MED13L: variants seen among roughly 807,000 people sequenced by gnomAD.
MED13L encodes the protein mediator complex subunit 13L.
MED13L carries 7 observed loss-of-function variants against 220.9 expected under a neutral mutation model. The ratio of observed to expected loss-of-function variants is 0.03; its 90% CI spans 0.02 to 0.06. The LOEUF is 0.06. MED13L is among the 10% of genes least tolerant of loss of function. MED13L has a pLI of 1.00. For missense variants in MED13L, 1,965 were observed against 2,760.5 expected (o/e 0.71, Z 6.46); for synonymous variants, 1,011 against 1,015.2 (o/e 1.00, Z 0.08).
intron 4 of MED13L, among the ~76,000 whole-genome samples, chr12:116,053,217 G>C (rs1419687262): frequency 6.6e-6 from 1 of 152,036 alleles, no homozygotes; most frequent in African/African-American, 2.4e-5. Flanking sequence ...CAAGTGATTA[G>C]GGAGTTAAAA....
chr12:116,229,768 C>A (rs922558872), intron 2 of MED13L, among the ~76,000 whole-genome samples: 1 of 152,072 alleles, frequency 6.6e-6, no homozygotes, highest in Admixed American at 6.6e-5. Flanking sequence ...TGTTATTTTT[C>A]CTTTCAAGTA....
At chr12:116,083,567 A>T (rs1871383309) in intron 4 of MED13L, among the ~76,000 whole-genome samples, 1 of 152,176 alleles carries the variant, frequency 6.6e-6, no homozygotes, top group South Asian at 2.1e-4. Context: ...GTTATAATAA[A>T]GTCTGAAACT....
rs538334282 is a variant in MED13L, at chr12:116,180,326, C to T, written c.310+57142G>A. Among the ~76,000 whole-genome samples the T allele has an allele frequency of 2.2e-4, 33 of 152,226 alleles. No individual in the cohort carries two copies. In the South Asian group the frequency reaches 3.9e-3, roughly 18 times the overall value. ...TTGAGTGCCAACATGATACCACAAG[C>T]GAAAAATTCCACATTTGACCTCCTA... is the stretch of plus-strand genomic sequence containing the variant. On this transcript the variant is annotated intron_variant, in intron 2 of 30. Transcript: ENST00000281928.
intron 3 of MED13L, among the ~76,000 whole-genome samples, chr12:116,106,443 C>A (rs544840630): frequency 6.6e-6 from 1 of 152,302 alleles, no homozygotes; most frequent in Non-Finnish European, 1.5e-5. Flanking sequence ...TAGAGGAAGA[C>A]AGGCTTCTGC....
At chr12:116,228,466 CACCA>C (rs1241148570) in intron 2 of MED13L, among the ~76,000 whole-genome samples, 15 of 152,234 alleles carry the variant, frequency 9.9e-5, no homozygotes, top group Middle Eastern at 3.4e-3. Context: ...ACAAGGCGAA[CACCA>C]ACCATGCCCA....
intron 4 of MED13L, among the ~76,000 whole-genome samples, chr12:116,083,881 C>T (rs762536843): frequency 6.6e-6 from 1 of 152,156 alleles, no homozygotes; most frequent in Non-Finnish European, 1.5e-5. Context: ...TGCATTCCTC[C>T]TTAGTTAAAG....
At chr12:116,123,055 A>T (rs958915791) in intron 2 of MED13L, among the ~76,000 whole-genome samples, 19 of 152,318 alleles carry the variant, frequency 1.2e-4, no homozygotes, top group African/African-American at 4.3e-4. Context: ...AATATTTTTT[A>T]AAATGATTAC....
rs762926166 is a variant in MED13L at position 115,961,354 on chromosome 12, T to C, written c.6545A>G (p.Asn2182Ser). Residue 2182 changes from asparagine to serine, a missense_variant, in exon 31 of 31, where the codon AAT becomes AGT. Physicochemically the swap from Asn to Ser is conservative, Grantham distance 46. Coordinates refer to ENST00000281928, the MANE Select transcript of MED13L (RefSeq NM_015335.5). ...QYNALSWLTC[N>S]PATQDRTSCL... ...GGAAGTACGGTCCTGGGTGGCCGGA[T>C]TGCACGTGAGCCAGGACAGAGCGTT... 40 of 1,613,988 alleles carry C rather than the reference T, an allele frequency of 2.5e-5. 1 individual carries two copies. The Admixed American group carries it at 4.3e-4, about 17-fold the overall frequency.
intron 2 of MED13L, among the ~76,000 whole-genome samples, chr12:116,215,547 T>G (rs1565932258): frequency 6.6e-6 from 1 of 152,186 alleles, no homozygotes; most frequent in Non-Finnish European, 1.5e-5. Context: ...AAACCTAAAG[T>G]GCTGGGATCG....
chr12:116,098,384 G>C (rs1872791728), intron 3 of MED13L, among the ~76,000 whole-genome samples: 1 of 152,178 alleles, frequency 6.6e-6, no homozygotes, highest in Admixed American at 6.5e-5. Flanking sequence ...TATTTTGTAA[G>C]AAAAGATGTC....
intron 2 of MED13L, among the ~76,000 whole-genome samples, chr12:116,218,158 AT>A (rs1371206931): frequency 6.6e-6 from 1 of 152,030 alleles, no homozygotes; most frequent in Non-Finnish European, 1.5e-5. Context: ...AAAGTATGTA[AT>A]TTTTTTTAAC....
intron 3 of MED13L, among the ~76,000 whole-genome samples, chr12:116,103,746 T>C (rs1220633118): frequency 6.6e-6 from 1 of 152,236 alleles, no homozygotes; most frequent in East Asian, 1.9e-4. Flanking sequence ...ATATCTGTAC[T>C]GTCTCTTTCA....
intron 1 of MED13L, among the ~76,000 whole-genome samples, chr12:116,259,917 A>G (rs940701405): frequency 6.6e-6 from 1 of 151,866 alleles, no homozygotes; most frequent in Non-Finnish European, 1.5e-5. Flanking sequence ...GAAAATTATA[A>G]GCACATGGGA....
rs578220463 is a variant in MED13L, at chr12:116,276,168, C to T, written c.72+892G>A. Among the ~76,000 whole-genome samples the T allele has an allele frequency of 3.3e-5, 5 of 152,228 alleles. No individual in the cohort carries two copies. The South Asian group carries it at 6.2e-4, about 19-fold the overall frequency. ...GGCGGGTGCCAGGCTTCCACGAGAA[C>T]AATTGACACCCTAACTGCTTCAAGA... On this transcript the variant is annotated intron_variant, in intron 1 of 30. Transcript: ENST00000281928.
chr12:115,972,517 G>C (rs528534451), intron 25 of MED13L: 46 of 411,974 alleles, frequency 1.1e-4, no homozygotes, highest in Non-Finnish European at 1.6e-4. Flanking sequence ...ACCTAGACCA[G>C]ATTTAGGCAC....
chr12:116,036,106 C>A (rs964331864), intron 4 of MED13L, among the ~76,000 whole-genome samples: 11 of 152,102 alleles, frequency 7.2e-5, no homozygotes, highest in Non-Finnish European at 1.0e-4. Context: ...CTTCTGTAAC[C>A]CCAGCAACTA....
intron 23 of MED13L, among the ~76,000 whole-genome samples, chr12:115,977,261 T>G (rs1877002422): frequency 6.6e-6 from 1 of 152,212 alleles, no homozygotes; most frequent in Non-Finnish European, 1.5e-5. Context: ...TACACAGCAT[T>G]AGGCATGGCA....
chr12:116,182,620 TCTCA>T (rs530129138), intron 2 of MED13L, among the ~76,000 whole-genome samples: 329 of 152,330 alleles, frequency 2.2e-3, no homozygotes, highest in African/African-American at 7.3e-3. Flanking sequence ...AATTCTACTC[TCTCA>T]CTCTCTCTTT....
At chr12:116,020,046 G>C in intron 5 of MED13L, 74 bp from the exon 6 acceptor site, 2 of 1,286,708 alleles carry the variant, frequency 1.6e-6, no homozygotes, top group South Asian at 1.2e-5. Flanking sequence ...CTACATATGT[G>C]GTAATTTTAG....
Sources: allele counts gnomAD v4.1 joint callset (sites outside exome capture counted in the v4.1 genomes callset), GRCh38; gene constraint gnomAD v4.1.1; transcripts MANE v1.5; gene names NCBI Gene and HGNC (gene_info 2026-07-23, HGNC 2026-07-21).